The following DYDC2 variants were observed in gnomAD, a reference collection of about 807,000 sequenced individuals.
DYDC2 encodes the protein DPY30 domain containing 2.
In DYDC2, 19 loss-of-function variants were observed where a neutral mutation model predicts 18.7. The observed-to-expected ratio is 1.02, with a 90% CI of 0.71 to 1.49. DYDC2 has a LOEUF of 1.49. Among genes scored for constraint, DYDC2 ranks in the 40% most tolerant of loss-of-function variants. The probability of loss-of-function intolerance (pLI) is 0.00; values close to 1 mark genes in which losing one functional copy is unlikely to be tolerated. For missense variants in DYDC2, 179 were observed against 205.1 expected (o/e 0.87, Z 0.78); for synonymous variants, 63 against 67.6 (o/e 0.93, Z 0.34).
At chr10:80,350,196 G>A (rs1411434774) in intron 1 of DYDC2, among the ~76,000 whole-genome samples, 2 of 152,136 alleles carry the variant, frequency 1.3e-5, no homozygotes, top group African/African-American at 4.8e-5. Context: ...ACAATACTTA[G>A]GATTCAATGC....
chr10:80,366,797 G>A lies in DYDC2; in HGVS notation c.380G>A (p.Ser127Asn), dbSNP rs1843852499. Reference protein sequence around the residue: ...LKQEFLPGTSSLIPGMPQQVP... With the variant: ...LKQEFLPGTSNLIPGMPQQVP... ...CAGGAATTCCTGCCAGGTACTTCCA[G>A]TCTGATTCCAGGAATGCCTCAACAG... Residue 127 changes from serine to asparagine, a missense_variant, in exon 5 of 5, where the codon AGT becomes AAT. Physicochemically the swap from Ser to Asn is conservative, Grantham distance 46. Transcript: ENST00000256039. 3 of 1,614,090 alleles carry A rather than the reference G, an allele frequency of 1.9e-6. No individual in the cohort carries two copies. Among genetic ancestry groups the A allele is most frequent in the South Asian group, 1.1e-5 (1 of 91,092 alleles).
At chr10:80,359,788 G>C (rs368480336) in intron 2 of DYDC2, among the ~76,000 whole-genome samples, 4 of 152,276 alleles carry the variant, frequency 2.6e-5, no homozygotes, top group African/African-American at 7.2e-5. Context: ...ATCCGAGTGC[G>C]GGGCCCACCA....
chr10:80,358,454 T>C (rs1843525508), intron 2 of DYDC2, among the ~76,000 whole-genome samples: 1 of 152,212 alleles, frequency 6.6e-6, no homozygotes, highest in African/African-American at 2.4e-5. Context: ...CTGGCTCTAC[T>C]GTCTTTGTAC....
intron 4 of DYDC2, among the ~76,000 whole-genome samples, chr10:80,364,314 C>CT (rs1843759706): frequency 2.0e-5 from 3 of 152,194 alleles, no homozygotes; most frequent in African/African-American, 7.2e-5. Flanking sequence ...AGGAACTCTC[C>CT]CTCAGGAAGA....
chr10:80,352,254 A>G (rs994363474), upstream of DYDC2, among the ~76,000 whole-genome samples: 16 of 152,246 alleles, frequency 1.1e-4, no homozygotes, highest in African/African-American at 3.9e-4. Context: ...AAGACTTCCC[A>G]TGAAAGGAAT....
At chr10:80,363,219 T>G in intron 4 of DYDC2, 146 bp downstream of exon 4, 1 of 691,120 alleles carries the variant, frequency 1.4e-6, no homozygotes, top group Non-Finnish European at 2.2e-6. Context: ...ATTCACATAT[T>G]TGCATATAAA....
chr10:80,353,435 T>G (rs892776080), upstream of DYDC2, among the ~76,000 whole-genome samples: 4 of 150,674 alleles, frequency 2.7e-5, no homozygotes, highest in Non-Finnish European at 5.9e-5. Flanking sequence ...GTGCTGGGAT[T>G]ACAGGCGTGA....
intron 4 of DYDC2, among the ~76,000 whole-genome samples, chr10:80,364,406 C>G (rs748463520): frequency 2.0e-5 from 3 of 152,184 alleles, no homozygotes; most frequent in African/African-American, 7.2e-5. Context: ...CTGTGCACCT[C>G]TAATCCATTT....
At chr10:80,350,302 G>T (rs942324648) in intron 1 of DYDC2, among the ~76,000 whole-genome samples, 1 of 152,138 alleles carries the variant, frequency 6.6e-6, no homozygotes, top group Non-Finnish European at 1.5e-5. Flanking sequence ...TAAAGTAGTC[G>T]AGCCGAAGAG....
Position 80,358,051 on chromosome 10 carries a change from T to G in DYDC2, c.-10+6T>G, listed in dbSNP as rs1843494551. 3 of 985,254 alleles carry G rather than the reference T, an allele frequency of 3.0e-6. No homozygotes were observed. Among genetic ancestry groups the G allele is most frequent in the South Asian group, 9.4e-5 (2 of 21,282 alleles). 61.0% of individuals were successfully genotyped at this position (985,254 alleles called of 1,614,324 possible). A position where few individuals can be genotyped will look rare whatever the true frequency, so the allele number is the denominator to read the frequency against. On this transcript the variant is annotated splice_donor_region_variant and intron_variant, in intron 2 of 4. Coordinates refer to ENST00000256039, the MANE Select transcript of DYDC2 (RefSeq NM_032372.6). Reference sequence around the variant, plus strand: ...AATAGCCTCTCCCCCCATTGGTGAGTGTACCCTAAGTTGGTCTGAGTGGGC... The same window carrying G: ...AATAGCCTCTCCCCCCATTGGTGAGGGTACCCTAAGTTGGTCTGAGTGGGC...
chr10:80,364,911 G>T (rs1382754859), intron 4 of DYDC2, among the ~76,000 whole-genome samples: 1 of 152,182 alleles, frequency 6.6e-6, no homozygotes, highest in African/African-American at 2.4e-5. Context: ...CTAAATAAAG[G>T]ACAAAGAGGC....
At chr10:80,356,568 A>G, upstream of DYDC2, 1 of 985,498 alleles carries the variant, frequency 1.0e-6, no homozygotes, top group South Asian at 4.7e-5. Context: ...CGGGAGCCCC[A>G]GGCGCGAAGC....
chr10:80,350,652 C>T (rs1418680990), intron 1 of DYDC2, among the ~76,000 whole-genome samples: 1 of 152,122 alleles, frequency 6.6e-6, no homozygotes, highest in Non-Finnish European at 1.5e-5. Context: ...AAGCTATTTG[C>T]CAGGTCTATA....
intron 3 of DYDC2, 29 bp downstream of exon 3, chr10:80,362,619 G>C: frequency 6.4e-7 from 1 of 1,569,700 alleles, no homozygotes; most frequent in Non-Finnish European, 8.7e-7. Context: ...ACTTAGGGAG[G>C]GCCCAGCTTT....
chr10:80,362,564 A>G lies in DYDC2; in HGVS notation c.121A>G (p.Arg41Gly), dbSNP rs181795265. 3 of 1,612,248 alleles carry G rather than the reference A, an allele frequency of 1.9e-6. No individual in the cohort carries two copies. The highest frequency in any genetic ancestry group is 2.2e-5 in the South Asian group (2 of 90,920). Residue 41 changes from arginine (R) to glycine (G), a missense_variant, in exon 3 of 5, where the codon AGG becomes GGG. Coordinates refer to ENST00000256039, the MANE Select transcript of DYDC2 (RefSeq NM_032372.6). ...EYLAHWLYHY[R>G]KTAKAKEENR... ...CCTGGCTCACTGGCTTTATCATTAC[A>G]GGAAAACAGCAAAAGCAAAAGAAGA...
upstream of DYDC2, among the ~76,000 whole-genome samples, chr10:80,354,088 C>T (rs1485355278): frequency 6.7e-6 from 1 of 150,304 alleles, no homozygotes; most frequent in Non-Finnish European, 1.5e-5. Context: ...TGCACTCCAG[C>T]CTGGGCGACA....
chr10:80,356,353 C>G, upstream of DYDC2: 1 of 985,864 alleles, frequency 1.0e-6, no homozygotes, highest in Non-Finnish European at 1.2e-6. Context: ...GATTCCTTAC[C>G]CACACCTGGG....
intron 2 of DYDC2, among the ~76,000 whole-genome samples, chr10:80,358,460 T>C (rs1843525882): frequency 2.0e-5 from 3 of 152,338 alleles, no homozygotes; most frequent in Middle Eastern, 3.4e-3. Flanking sequence ...CTACTGTCTT[T>C]GTACCATATT....
rs1456706184 is a variant in DYDC2, at chr10:80,362,456, T to G, written c.13T>G (p.Tyr5Asp). The change falls in exon 3 of 5, where the codon TAC becomes GAC. Residue 5 changes from tyrosine to aspartate, a missense_variant. Physicochemically the swap from Tyr to Asp is radical, Grantham distance 160. Coordinates refer to ENST00000256039, the MANE Select transcript of DYDC2 (RefSeq NM_032372.6). METN[Y>D]LKRCFGNCLA... is the part of the protein sequence containing the mutation. ...CCAGGCTGCCAGGATGGAAACTAAC[T>G]ACCTGAAGAGGTGCTTTGGAAATTG... The G allele has an allele frequency of 1.2e-6, 2 of 1,613,456 alleles. No homozygotes were observed. Among genetic ancestry groups the G allele is most frequent in the Admixed American group, 1.7e-5 (1 of 59,966 alleles).
Sources: gnomAD v4.1 joint callset for allele counts (sites outside exome capture counted in the v4.1 genomes callset) on GRCh38, gnomAD v4.1.1 for gene constraint, MANE v1.5 for transcripts, NCBI Gene and HGNC (gene_info 2026-07-23, HGNC 2026-07-21) for gene names.